EXD3: variants seen among roughly 807,000 people sequenced by gnomAD.
EXD3 encodes exonuclease 3'-5' domain containing 3.
A neutral mutation model predicts 98.0 loss-of-function variants in EXD3; 92 were observed. The observed-to-expected ratio is 0.94, with a 90% CI of 0.79 to 1.12. The LOEUF (loss-of-function observed/expected upper bound fraction) is 1.12, where lower values mean the gene tolerates loss of function less well. EXD3 is among the 50% of genes most tolerant of loss of function. EXD3 has a pLI of 0.00. For synonymous variants in EXD3, 569 were observed against 526.0 expected, an observed-to-expected ratio of 1.08 and a Z score of -1.12; for missense variants, 1,222 against 1,191.6, an observed-to-expected ratio of 1.03 and a Z score of -0.38.
rs1564480228 is a variant in EXD3, at chr9:137,329,778, T to TACACGGGGTC, written c.1999-5636_1999-5635insGACCCCGTGT. Among the ~76,000 whole-genome samples the TACACGGGGTC allele has an allele frequency of 2.1e-3, 47 of 21,972 alleles. 1 individual carries two copies. The highest frequency in any genetic ancestry group is 2.6e-3 in the Non-Finnish European group (29 of 11,064). The allele number at this position is 21,972 out of a possible 152,430, so 14.4% of individuals were successfully genotyped here. A position where few individuals can be genotyped will look rare whatever the true frequency, so the allele number is the denominator to read the frequency against. ...GGGACTACACGGGGTCACACGGGAC[T>TACACGGGGTC]ACACGGGACTACACGGGACTACACG... On this transcript the variant is annotated intron_variant, in intron 17 of 21. Coordinates refer to ENST00000340951, the MANE Select transcript of EXD3 (RefSeq NM_017820.5).
chr9:137,359,000 G>A (rs1191308508), intron 7 of EXD3, among the ~76,000 whole-genome samples: 3 of 149,962 alleles, frequency 2.0e-5, no homozygotes, highest in Non-Finnish European at 4.4e-5. Flanking sequence ...AGGCTGGAGT[G>A]CAGTGGTGCC....
Position 137,349,621 on chromosome 9 carries a change from TG to T in EXD3, c.1495-91del, listed in dbSNP as rs1180569219. The T allele has an allele frequency of 1.5e-6, 2 of 1,331,284 alleles. No individual in the cohort carries two copies. The highest frequency in any genetic ancestry group is 3.0e-5 in the African/African-American group (2 of 66,550). 82.5% of individuals were successfully genotyped at this position (1,331,284 alleles called of 1,614,324 possible). A position where few individuals can be genotyped will look rare whatever the true frequency, so the allele number is the denominator to read the frequency against. ...ACTCACACCAGCCCTGCGGGGGCTCTGGAGGAGGCCCCGCCCCCTCCACCAG... is the reference window on the plus strand; with the variant it reads ...ACTCACACCAGCCCTGCGGGGGCTCTGAGGAGGCCCCGCCCCCTCCACCAG... On this transcript the variant is annotated intron_variant, in intron 14 of 21. Coordinates refer to ENST00000340951, the MANE Select transcript of EXD3 (RefSeq NM_017820.5). The surrounding 1 kb of genome is among the most constrained non-coding windows in gnomAD (Gnocchi z 7.4).
chr9:137,397,329 A>C (rs566908971), intron 1 of EXD3, among the ~76,000 whole-genome samples: 1 of 152,318 alleles, frequency 6.6e-6, no homozygotes, highest in South Asian at 2.1e-4. Flanking sequence ...AGGCTTGAGA[A>C]AGGCCCTAGG....
At chr9:137,351,289 TG>T in intron 13 of EXD3, 28 bp downstream of exon 13, 2 of 1,593,948 alleles carry the variant, frequency 1.3e-6, no homozygotes, top group Non-Finnish European at 1.7e-6. Flanking sequence ...CTTTCTGGAC[TG>T]GGCAGGGGGC....
Position 137,347,814 on chromosome 9 carries a change from G to A in EXD3, c.1998+257C>T, listed in dbSNP as rs1834010505. ...AAATAAGATAGACTCTCTATTTTAAGTTCAACTGATTAATAGTGTCAATTA... is the reference window on the plus strand; with the variant it reads ...AAATAAGATAGACTCTCTATTTTAAATTCAACTGATTAATAGTGTCAATTA... On this transcript the variant is annotated intron_variant, in intron 17 of 21. Coordinates refer to ENST00000340951, the MANE Select transcript of EXD3 (RefSeq NM_017820.5). This position sits in a 1 kb window ranked among gnomAD's most constrained non-coding sequence, Gnocchi z 4.2. 6.6e-6 allele frequency among the ~76,000 whole-genome samples: 1 copy of A among 152,202 alleles called. No individual in the cohort carries two copies. Among genetic ancestry groups the A allele is most frequent in the Non-Finnish European group, 1.5e-5 (1 of 68,044 alleles).
At chr9:137,370,157 C>T (rs566443659) in intron 5 of EXD3, among the ~76,000 whole-genome samples, 1 of 152,258 alleles carries the variant, frequency 6.6e-6, no homozygotes, top group South Asian at 2.1e-4. Flanking sequence ...CCACCCCTTC[C>T]AGGAAGCTCC....
At chr9:137,392,346 G>A (rs1331503634) in intron 2 of EXD3, 2 of 157,836 alleles carry the variant, frequency 1.3e-5, no homozygotes, top group African/African-American at 4.8e-5. Context: ...CCAATGACCT[G>A]GACCAGGCAC....
At chr9:137,325,213 A>G (rs1272579561) in intron 17 of EXD3, among the ~76,000 whole-genome samples, 2 of 152,142 alleles carry the variant, frequency 1.3e-5, no homozygotes, top group Non-Finnish European at 2.9e-5. Flanking sequence ...TTTTTGGAGA[A>G]ATGACTGATT....
chr9:137,314,862 C>A lies in EXD3; in HGVS notation c.2185-5162G>T, dbSNP rs559299004. Among the ~76,000 whole-genome samples the A allele has an allele frequency of 4.2e-4, 64 of 152,292 alleles. 1 individual carries two copies. The highest frequency in any genetic ancestry group is 3.9e-3 in the South Asian group (19 of 4,832). ...AGGAGTGAAAGGGCACGTGAGTCTC[C>A]GGAGGCCGGGTCTGGGCACACGTGC... On this transcript the variant is annotated intron_variant, in intron 19 of 21. Transcript: ENST00000340951.
rs1449646305 is a variant in EXD3 at position 137,394,146 on chromosome 9, T to C, written c.55+1157A>G. Reference sequence around the variant, plus strand: ...CCTAACCCCAGCCTCCCAGCCTCCATTTCCCTAACCCTGGCCTCCCAGCCT... The same window carrying C: ...CCTAACCCCAGCCTCCCAGCCTCCACTTCCCTAACCCTGGCCTCCCAGCCT... On this transcript the variant is annotated intron_variant, in intron 2 of 21. Coordinates refer to ENST00000340951, the MANE Select transcript of EXD3 (RefSeq NM_017820.5). Among the ~76,000 whole-genome samples, 443 of 108,092 alleles carry C rather than the reference T, an allele frequency of 4.1e-3. 4 individuals are homozygous for C. The highest frequency in any genetic ancestry group is 6.1e-3 in the African/African-American group (162 of 26,452). The allele number at this position is 108,092 out of a possible 152,430, so 70.9% of individuals were successfully genotyped here. A position where few individuals can be genotyped will look rare whatever the true frequency, so the allele number is the denominator to read the frequency against.
intron 6 of EXD3, among the ~76,000 whole-genome samples, chr9:137,367,029 T>C (rs1835293324): frequency 6.6e-6 from 1 of 152,208 alleles, no homozygotes; most frequent in South Asian, 2.1e-4. Context: ...TGTCGGTGCC[T>C]CCAAGAGGCC....
intron 5 of EXD3, among the ~76,000 whole-genome samples, chr9:137,369,164 G>A (rs1415793679): frequency 6.8e-6 from 1 of 148,126 alleles, no homozygotes; most frequent in Non-Finnish European, 1.5e-5. Flanking sequence ...CCTCAGGGCC[G>A]TGGGAAGGGG....
intron 17 of EXD3, among the ~76,000 whole-genome samples, chr9:137,330,341 A>ACTACACAGGAG (rs1832969711): frequency 8.4e-6 from 1 of 119,018 alleles, no homozygotes; most frequent in Admixed American, 8.2e-5. Context: ...ACTACACAGG[A>ACTACACAGGAG]CTACACAGGA....
chr9:137,326,416 T>C (rs1216039714), intron 17 of EXD3, among the ~76,000 whole-genome samples: 6 of 152,020 alleles, frequency 3.9e-5, no homozygotes, highest in African/African-American at 1.4e-4. Flanking sequence ...ATCCCAATAC[T>C]TTGGGAGGCT....
chr9:137,317,759 T>G (rs761584477), intron 19 of EXD3, among the ~76,000 whole-genome samples: 1 of 152,040 alleles, frequency 6.6e-6, no homozygotes, highest in Non-Finnish European at 1.5e-5. Context: ...ACTCCCTCTT[T>G]GTCCCCAGCC....
chr9:137,325,968 T>G (rs1832377180), intron 17 of EXD3, among the ~76,000 whole-genome samples: 1 of 151,466 alleles, frequency 6.6e-6, no homozygotes, highest in Non-Finnish European at 1.5e-5. Flanking sequence ...TAGTCCCAGC[T>G]ACTTAGGAAG....
intron 2 of EXD3, 110 bp from the exon 3 acceptor site, chr9:137,383,487 A>C: frequency 1.3e-6 from 1 of 796,500 alleles, no homozygotes. Flanking sequence ...GCTCCTCTGG[A>C]CCCGGGGGGC....
rs1340845243 is a variant in EXD3 at position 137,387,152 on chromosome 9, CTCGGCCCCCG to C, written c.56-3785_56-3776del. Among the ~76,000 whole-genome samples the C allele has an allele frequency of 1.0e-4, 8 of 76,876 alleles. 1 individual carries two copies. In the African/African-American group the frequency reaches 1.3e-3, roughly 13 times the overall value. 50.4% of individuals were successfully genotyped at this position (76,876 alleles called of 152,430 possible). A position where few individuals can be genotyped will look rare whatever the true frequency, so the allele number is the denominator to read the frequency against. The stretch of plus-strand genomic sequence containing the variant: ...CAGCGCCTCTGTTCCCTGCCTGGCC[CTCGGCCCCCG>C]CTCCCTGCCTGGCCCCCGGCCCCTG... On this transcript the variant is annotated intron_variant, in intron 2 of 21. Coordinates refer to ENST00000340951, the MANE Select transcript of EXD3 (RefSeq NM_017820.5).
At chr9:137,341,040 G>A (rs767894582) in intron 17 of EXD3, among the ~76,000 whole-genome samples, 17 of 152,344 alleles carry the variant, frequency 1.1e-4, no homozygotes, top group Middle Eastern at 3.4e-3. Flanking sequence ...GCCAAGCTGG[G>A]CAGGGTGGCT....
Sources: gnomAD v4.1 joint callset for allele counts (sites outside exome capture counted in the v4.1 genomes callset) on GRCh38, gnomAD v4.1.1 for gene constraint, Gnocchi (gnomAD v3.1) non-coding constraint, MANE v1.5 for transcripts, NCBI Gene and HGNC (gene_info 2026-07-23, HGNC 2026-07-21) for gene names.